The following EEPD1 variants were observed in gnomAD, a reference collection of about 807,000 sequenced individuals.
EEPD1 encodes the protein endonuclease/exonuclease/phosphatase family domain-containing protein 1.
Under a neutral mutation model 46.3 loss-of-function variants are expected in EEPD1, and 17 were observed. That is an observed-to-expected ratio of 0.37 (90% CI 0.25 to 0.55). The LOEUF is 0.55. Among genes scored for constraint, EEPD1 ranks in the 20% least tolerant of loss-of-function variants. EEPD1 has a pLI of 0.83. For missense variants in EEPD1, 673 were observed against 745.6 expected (o/e 0.90, Z 1.13); for synonymous variants, 313 against 315.6 (o/e 0.99, Z 0.09).
At chr7:36,293,290 C>T (rs144271120) in intron 6 of EEPD1, among the ~76,000 whole-genome samples, 66 of 152,156 alleles carry the variant, frequency 4.3e-4, no homozygotes, top group African/African-American at 1.4e-3. Flanking sequence ...TTGGGTGAGA[C>T]GTGTTAACAG....
At chr7:36,180,671 C>T (rs145900005) in intron 2 of EEPD1, among the ~76,000 whole-genome samples, 4 of 152,216 alleles carry the variant, frequency 2.6e-5, no homozygotes, top group Admixed American at 6.5e-5. Context: ...TGCCTGGATA[C>T]CTCATGAATG....
intron 2 of EEPD1, among the ~76,000 whole-genome samples, chr7:36,201,488 G>A (rs1287988656): frequency 6.6e-6 from 1 of 152,182 alleles, no homozygotes; most frequent in African/African-American, 2.4e-5. Flanking sequence ...TGTTTCTGAT[G>A]ACTATCAGCT....
intron 6 of EEPD1, among the ~76,000 whole-genome samples, chr7:36,295,637 G>A (rs1426628281): frequency 6.6e-6 from 1 of 152,184 alleles, no homozygotes; most frequent in Non-Finnish European, 1.5e-5. Flanking sequence ...GGTTGCTGGG[G>A]AGGGTTGAAA....
intron 2 of EEPD1, among the ~76,000 whole-genome samples, chr7:36,162,290 C>T (rs1784910965): frequency 6.6e-6 from 1 of 152,270 alleles, no homozygotes. Flanking sequence ...GAGGTGTGCT[C>T]AGAGTAAACA....
chr7:36,266,988 G>A (rs570698516), intron 3 of EEPD1, among the ~76,000 whole-genome samples: 1 of 152,222 alleles, frequency 6.6e-6, no homozygotes, highest in South Asian at 2.1e-4. Context: ...TGGACATTTG[G>A]GTCATTTCCA....
At chr7:36,260,971 A>G (rs1219282732) in intron 3 of EEPD1, among the ~76,000 whole-genome samples, 3 of 152,254 alleles carry the variant, frequency 2.0e-5, no homozygotes, top group Non-Finnish European at 4.4e-5. Flanking sequence ...ATATAGGAAG[A>G]TGTGCATAGA....
chr7:36,187,488 G>C (rs541585011), intron 2 of EEPD1, among the ~76,000 whole-genome samples: 1 of 152,158 alleles, frequency 6.6e-6, no homozygotes, highest in East Asian at 1.9e-4. Context: ...CTACCACCGG[G>C]TTTTTATGGT....
chr7:36,282,910 A>T (rs1787282822), intron 4 of EEPD1, among the ~76,000 whole-genome samples: 1 of 152,238 alleles, frequency 6.6e-6, no homozygotes, highest in African/African-American at 2.4e-5. Context: ...AATCCAAAAA[A>T]ATTTAAACAC....
intron 2 of EEPD1, among the ~76,000 whole-genome samples, chr7:36,189,200 TA>T (rs1785418396): frequency 2.0e-4 from 1 of 4,958 alleles, no homozygotes; most frequent in Non-Finnish European, 2.1e-3. Flanking sequence ...GGGAGGGTAC[TA>T]TCCAGCGCCT....
At chr7:36,254,413 A>T (rs1786797741) in intron 3 of EEPD1, among the ~76,000 whole-genome samples, 1 of 152,172 alleles carries the variant, frequency 6.6e-6, no homozygotes, top group Non-Finnish European at 1.5e-5. Context: ...TTTTCTGAGA[A>T]TGATGGTTTC....
At chr7:36,284,947 A>AT in intron 5 of EEPD1, 127 bp downstream of exon 5, 1 of 1,294,238 alleles carries the variant, frequency 7.7e-7, no homozygotes, top group Non-Finnish European at 1.0e-6. Context: ...GCCTCTCATG[A>AT]TTGGAGATTT....
chr7:36,248,330 C>T (rs867654447), intron 3 of EEPD1, among the ~76,000 whole-genome samples: 2 of 151,590 alleles, frequency 1.3e-5, no homozygotes, highest in Admixed American at 6.6e-5. Flanking sequence ...CTCAGCCTCC[C>T]GACTAGCTGG....
chr7:36,183,436 G>A (rs928954670), intron 2 of EEPD1, among the ~76,000 whole-genome samples: 1 of 152,076 alleles, frequency 6.6e-6, no homozygotes, highest in Non-Finnish European at 1.5e-5. Flanking sequence ...CTGCACGCCC[G>A]GCTTCTGTCA....
chr7:36,246,864 G>A (rs1036486313), intron 3 of EEPD1, among the ~76,000 whole-genome samples: 1 of 152,094 alleles, frequency 6.6e-6, no homozygotes, highest in Non-Finnish European at 1.5e-5. Context: ...AGTGTCTCAC[G>A]CCTGTAATCC....
At chr7:36,268,132 G>A (rs190300409) in intron 3 of EEPD1, among the ~76,000 whole-genome samples, 22 of 152,194 alleles carry the variant, frequency 1.4e-4, no homozygotes, top group East Asian at 5.8e-4. Flanking sequence ...GATGGCCCCC[G>A]TTTGGTGCTT....
intron 2 of EEPD1, among the ~76,000 whole-genome samples, chr7:36,196,869 G>A (rs1253656876): frequency 5.3e-5 from 8 of 151,178 alleles, no homozygotes; most frequent in South Asian, 2.1e-4. Flanking sequence ...CTGCCTGGCC[G>A]CCCATCGTCT....
Position 36,295,953 on chromosome 7 carries a change from C to T in EEPD1, c.1316-1040C>T, listed in dbSNP as rs1397378271. On this transcript the variant is annotated intron_variant, in intron 6 of 7. Coordinates refer to ENST00000242108, the MANE Select transcript of EEPD1 (RefSeq NM_030636.3). ...GGCTGAGGCAGGAGAATCGCTTGAA[C>T]CCAGGAGGCAGAGGTTGTAGTGAGC... Among the ~76,000 whole-genome samples the T allele has an allele frequency of 6.6e-4, 98 of 147,754 alleles. 1 individual carries two copies. The Middle Eastern group carries it at 0.018, about 27-fold the overall frequency.
At chr7:36,230,108 A>G (rs1464148684) in intron 2 of EEPD1, among the ~76,000 whole-genome samples, 1 of 151,904 alleles carries the variant, frequency 6.6e-6, no homozygotes, top group Non-Finnish European at 1.5e-5. Context: ...AAACTGGAGT[A>G]ATGTTTCTTT....
intron 3 of EEPD1, 45 bp downstream of exon 3, chr7:36,239,081 A>C: frequency 6.3e-7 from 1 of 1,586,960 alleles, no homozygotes; most frequent in African/African-American, 1.4e-5. Context: ...CCAAGAACGG[A>C]GGGCCACACA....
Sources: allele counts gnomAD v4.1 joint callset (sites outside exome capture counted in the v4.1 genomes callset), GRCh38; gene constraint gnomAD v4.1.1; transcripts MANE v1.5; gene names NCBI Gene and HGNC (gene_info 2026-07-23, HGNC 2026-07-21).